The following RHPN2 variants were observed in gnomAD, a reference collection of about 807,000 sequenced individuals.
RHPN2 encodes the protein rhophilin-2.
Under a neutral mutation model 79.0 loss-of-function variants are expected in RHPN2, and 40 were observed. The ratio of observed to expected loss-of-function variants is 0.51; its 90% CI spans 0.39 to 0.66. RHPN2 has a LOEUF of 0.66. Ranked by LOEUF, RHPN2 falls within the 30% of genes least tolerant of loss-of-function variation. The probability of loss-of-function intolerance (pLI) is 0.00; values close to 1 mark genes in which losing one functional copy is unlikely to be tolerated. For missense variants in RHPN2, 686 were observed against 883.5 expected, an observed-to-expected ratio of 0.78 and a Z score of 2.83; for synonymous variants, 285 against 363.5, an observed-to-expected ratio of 0.78 and a Z score of 2.46.
intron 11 of RHPN2, among the ~76,000 whole-genome samples, chr19:32,994,620 T>C (rs1048474844): frequency 6.6e-6 from 1 of 151,182 alleles, no homozygotes; most frequent in African/African-American, 2.4e-5. Flanking sequence ...TCCCATGGGG[T>C]TTCCTGATAC....
intron 7 of RHPN2, among the ~76,000 whole-genome samples, chr19:33,005,897 A>G (rs1213933703): frequency 2.0e-5 from 3 of 152,000 alleles, no homozygotes; most frequent in African/African-American, 7.3e-5. Flanking sequence ...TTTTTTAATT[A>G]ATTAATTATT....
intron 2 of RHPN2, among the ~76,000 whole-genome samples, chr19:33,036,670 G>C (rs983816904): frequency 6.6e-6 from 1 of 152,200 alleles, no homozygotes; most frequent in African/African-American, 2.4e-5. Context: ...AGGGCTGCCC[G>C]CGGTGCTTGC....
At chr19:33,011,474 C>T (rs1195631736) in intron 6 of RHPN2, among the ~76,000 whole-genome samples, 1 of 152,154 alleles carries the variant, frequency 6.6e-6, no homozygotes, top group African/African-American at 2.4e-5. Flanking sequence ...AGGCCACAGT[C>T]TGTTGGAGCC....
intron 11 of RHPN2, among the ~76,000 whole-genome samples, chr19:32,994,280 G>A (rs1224726710): frequency 1.3e-5 from 2 of 151,800 alleles, no homozygotes; most frequent in African/African-American, 4.8e-5. Flanking sequence ...ACTGTAATCC[G>A]AGTTACTTGG....
At chr19:33,039,185 G>A (rs573485489) in intron 2 of RHPN2, among the ~76,000 whole-genome samples, 1 of 152,100 alleles carries the variant, frequency 6.6e-6, no homozygotes, top group South Asian at 2.1e-4. Flanking sequence ...AGGCTGGAGC[G>A]AGGACTGTCC....
intron 1 of RHPN2, among the ~76,000 whole-genome samples, chr19:33,051,189 G>C (rs1171377509): frequency 2.0e-5 from 3 of 152,122 alleles, no homozygotes; most frequent in Non-Finnish European, 4.4e-5. Flanking sequence ...ACAGGGTTTT[G>C]CCATGTTGGC....
rs139879240 is a variant in RHPN2 at position 33,008,105 on chromosome 19, A to T, written c.669T>A (p.Thr223=). The part of the protein sequence containing the change: ...LLEKASVLFN[T]GALYTQIGTR... ...TCCCAATCTGGGTGTAGAGGGCCCC[A>T]GTGTTGAACAGGACACTGGCCTTCT... is the stretch of plus-strand genomic sequence containing the variant. Residue 223 remains threonine, a synonymous_variant, in exon 7 of 15, where the codon ACT becomes ACA. Transcript: ENST00000254260. The T allele has an allele frequency of 5.3e-5, 86 of 1,613,764 alleles. No homozygotes were observed. Among genetic ancestry groups the T allele is most frequent in the Non-Finnish European group, 6.4e-5 (76 of 1,179,970 alleles).
intron 14 of RHPN2, among the ~76,000 whole-genome samples, chr19:32,986,497 T>C (rs1971613902): frequency 6.6e-6 from 1 of 152,180 alleles, no homozygotes; most frequent in African/African-American, 2.4e-5. Flanking sequence ...CTTTATCTTC[T>C]TTTAAAATTT....
intron 2 of RHPN2, among the ~76,000 whole-genome samples, chr19:33,033,118 T>A (rs1158721968): frequency 1.3e-5 from 2 of 152,176 alleles, no homozygotes; most frequent in African/African-American, 4.8e-5. Context: ...TCTCTTGGTA[T>A]TTTTTTCCTA....
chr19:32,994,533 A>G (rs1216133847), intron 11 of RHPN2, among the ~76,000 whole-genome samples: 1 of 152,148 alleles, frequency 6.6e-6, no homozygotes, highest in Non-Finnish European at 1.5e-5. Flanking sequence ...TGTACCTTCC[A>G]TTTGGGTGCC....
chr19:33,034,024 C>CA (rs1461191196), intron 2 of RHPN2, among the ~76,000 whole-genome samples: 1 of 121,120 alleles, frequency 8.3e-6, no homozygotes, highest in Non-Finnish European at 1.6e-5. Context: ...CTTGGCAAAA[C>CA]ATTTTTTTTT....
chr19:33,031,525 G>A (rs1332743702), intron 2 of RHPN2, among the ~76,000 whole-genome samples: 3 of 151,928 alleles, frequency 2.0e-5, no homozygotes, highest in Non-Finnish European at 4.4e-5. Flanking sequence ...GATTACAGGC[G>A]TGAGCCACGA....
chr19:33,028,060 T>TTA (rs1316992205), intron 2 of RHPN2, among the ~76,000 whole-genome samples: 2 of 152,148 alleles, frequency 1.3e-5, no homozygotes, highest in African/African-American at 2.4e-5. Flanking sequence ...TGGCACTATC[T>TTA]TATATATAGA....
intron 9 of RHPN2, among the ~76,000 whole-genome samples, chr19:33,000,855 A>G (rs1374603436): frequency 6.6e-6 from 1 of 152,196 alleles, no homozygotes; most frequent in Non-Finnish European, 1.5e-5. Flanking sequence ...TGTACCATGG[A>G]GTCCACCTGC....
chr19:33,031,209 C>CTTTCT (rs1160743221), intron 2 of RHPN2, among the ~76,000 whole-genome samples: 2 of 133,440 alleles, frequency 1.5e-5, no homozygotes, highest in South Asian at 2.5e-4. Context: ...CTATTCTATT[C>CTTTCT]TTTCTATTCT....
chr19:32,980,907 G>A (rs886091131), intron 14 of RHPN2, among the ~76,000 whole-genome samples: 29 of 151,296 alleles, frequency 1.9e-4, no homozygotes, highest in Admixed American at 7.9e-4. Context: ...GTACGATCTC[G>A]GCTCACTGTA....
chr19:33,062,601 T>G (rs1479369115), intron 1 of RHPN2, among the ~76,000 whole-genome samples: 1 of 151,346 alleles, frequency 6.6e-6, no homozygotes, highest in Non-Finnish European at 1.5e-5. Flanking sequence ...GAAACCCCGT[T>G]TCTACTAAAA....
intron 2 of RHPN2, among the ~76,000 whole-genome samples, chr19:33,036,658 C>T (rs1351321786): frequency 6.6e-6 from 1 of 152,166 alleles, no homozygotes; most frequent in Non-Finnish European, 1.5e-5. Context: ...CGGGCGGGAA[C>T]CAGGGCTGCC....
intron 1 of RHPN2, 100 bp downstream of exon 1, chr19:33,064,684 T>A: frequency 1.7e-6 from 2 of 1,175,366 alleles, no homozygotes; most frequent in Non-Finnish European, 1.2e-6. Flanking sequence ...CCTCCCGGCC[T>A]AGTGGACCCC....
Sources: gnomAD v4.1 joint callset for allele counts (sites outside exome capture counted in the v4.1 genomes callset) on GRCh38, gnomAD v4.1.1 for gene constraint, MANE v1.5 for transcripts, NCBI Gene and HGNC (gene_info 2026-07-23, HGNC 2026-07-21) for gene names.